FYB2: variants seen among roughly 807,000 people sequenced by gnomAD.
FYB2 encodes FYN-binding protein 2.
In FYB2, 103 loss-of-function variants were observed where a neutral mutation model predicts 94.1. The ratio of observed to expected loss-of-function variants is 1.09; its 90% CI spans 0.93 to 1.29. The LOEUF (loss-of-function observed/expected upper bound fraction) is 1.29, where lower values mean the gene tolerates loss of function less well. Among genes scored for constraint, FYB2 ranks in the 50% most tolerant of loss-of-function variants. The probability of loss-of-function intolerance (pLI) is 0.00; values close to 1 mark genes in which losing one functional copy is unlikely to be tolerated. For missense variants in FYB2, 896 were observed against 841.5 expected (o/e 1.06, Z -0.80); for synonymous variants, 293 against 287.9 (o/e 1.02, Z -0.18).
chr1:56,821,696 GC>G (rs1463710538), upstream of FYB2, among the ~76,000 whole-genome samples: 12 of 152,260 alleles, frequency 7.9e-5, no homozygotes, highest in African/African-American at 2.9e-4. Flanking sequence ...TTGTCAAAGT[GC>G]CCATGTAGCA....
chr1:56,822,063 A>G (rs1646996216), upstream of FYB2, among the ~76,000 whole-genome samples: 1 of 152,236 alleles, frequency 6.6e-6, no homozygotes, highest in Non-Finnish European at 1.5e-5. Flanking sequence ...AAAGCCAGGA[A>G]GGTTCACTTA....
chr1:56,812,017 AG>A (rs2101085785), intron 1 of FYB2, among the ~76,000 whole-genome samples: 1 of 152,236 alleles, frequency 6.6e-6, no homozygotes, highest in Admixed American at 6.5e-5. Context: ...TGGAGGGTAG[AG>A]GGCTCAGAAA....
intron 4 of FYB2, among the ~76,000 whole-genome samples, chr1:56,783,907 C>T (rs1646069003): frequency 1.3e-5 from 2 of 152,178 alleles, no homozygotes; most frequent in Admixed American, 6.5e-5. Flanking sequence ...TAGATTCTTG[C>T]CCTTGCTGGG....
upstream of FYB2, chr1:56,824,453 A>G (rs982867076): frequency 6.6e-6 from 1 of 152,156 alleles, no homozygotes; most frequent in African/African-American, 2.4e-5. Flanking sequence ...AACCATAGCA[A>G]TTGGTATGTG....
At chr1:56,739,622 G>C (rs1325844627) in intron 13 of FYB2, among the ~76,000 whole-genome samples, 2 of 152,040 alleles carry the variant, frequency 1.3e-5, no homozygotes, top group Non-Finnish European at 2.9e-5. Context: ...CCTTACAATG[G>C]TTTGACTCCC....
At chr1:56,758,033 C>T (rs191019223) in intron 6 of FYB2, among the ~76,000 whole-genome samples, 1 of 151,254 alleles carries the variant, frequency 6.6e-6, no homozygotes, top group Non-Finnish European at 1.5e-5. Context: ...TCTGCCTTGG[C>T]CTCCCAAAGT....
intron 1 of FYB2, among the ~76,000 whole-genome samples, chr1:56,802,786 G>A (rs1046764292): frequency 1.3e-5 from 2 of 151,978 alleles, no homozygotes; most frequent in Non-Finnish European, 2.9e-5. Context: ...ATATCACCTT[G>A]CACTTTCTTG....
chr1:56,790,309 C>A (rs1267505508), intron 2 of FYB2, among the ~76,000 whole-genome samples: 2 of 152,188 alleles, frequency 1.3e-5, no homozygotes, highest in African/African-American at 4.8e-5. Flanking sequence ...AACTCGGGCC[C>A]AAAGTTCCTC....
In FYB2 at chr1:56,751,089, G is replaced by A; in HGVS notation, c.1342C>T (p.Pro448Ser). ...EAMIDIIQTN[P>S]CPEGPKLARH... ...GCCAGCTTTGGGCCCTCAGGGCAGG[G>A]ATTTGTCTGGATGATGTCAATCATG... The change falls in exon 9 of 20, where the codon CCC (proline) becomes TCC (serine). Residue 448 changes from proline (P) to serine (S), a missense_variant. Transcript: ENST00000343433. 1 of 1,612,826 alleles carries A rather than the reference G, an allele frequency of 6.2e-7. No individual in the cohort carries two copies. Among genetic ancestry groups the A allele is most frequent in the Middle Eastern group, 1.7e-4 (1 of 6,048 alleles).
intron 4 of FYB2, among the ~76,000 whole-genome samples, chr1:56,775,382 G>A (rs114723402): frequency 1.6e-3 from 239 of 152,102 alleles, no homozygotes; most frequent in African/African-American, 4.9e-3. Context: ...AAAATATGCC[G>A]TCCACTCTGG....
At chr1:56,797,299 T>C (rs191097450) in intron 1 of FYB2, among the ~76,000 whole-genome samples, 2 of 152,328 alleles carry the variant, frequency 1.3e-5, no homozygotes, top group East Asian at 3.9e-4. Flanking sequence ...TCATCGGGCT[T>C]AATCTTCACA....
upstream of FYB2, chr1:56,819,578 C>A: frequency 3.6e-6 from 2 of 559,452 alleles, no homozygotes; most frequent in South Asian, 4.2e-5. Context: ...CTCTTCTCAG[C>A]AAGCGGCTCT....
intron 16 of FYB2, among the ~76,000 whole-genome samples, chr1:56,725,572 A>C (rs1357173633): frequency 6.6e-6 from 1 of 152,048 alleles, no homozygotes; most frequent in African/African-American, 2.4e-5. Flanking sequence ...ATCTCTTGGA[A>C]TTCTGTTTTG....
At chr1:56,735,695 G>T (rs949298444) in intron 15 of FYB2, among the ~76,000 whole-genome samples, 1 of 151,922 alleles carries the variant, frequency 6.6e-6, no homozygotes, top group South Asian at 2.1e-4. Context: ...TTTATAAGGG[G>T]TTCTTTCCCC....
chr1:56,727,572 T>A (rs188530317), intron 15 of FYB2, among the ~76,000 whole-genome samples: 1 of 152,270 alleles, frequency 6.6e-6, no homozygotes, highest in Admixed American at 6.5e-5. Flanking sequence ...CTATATACAG[T>A]GTCTCATTTT....
At chr1:56,757,229 G>A (rs1049912880) in intron 6 of FYB2, among the ~76,000 whole-genome samples, 1 of 152,102 alleles carries the variant, frequency 6.6e-6, no homozygotes, top group African/African-American at 2.4e-5. Flanking sequence ...ATTTGTTGAT[G>A]TTGCCAGGTA....
chr1:56,761,457 G>A (rs749185288), intron 5 of FYB2, among the ~76,000 whole-genome samples: 56 of 152,180 alleles, frequency 3.7e-4, no homozygotes, highest in Non-Finnish European at 7.1e-4. Context: ...TAAATGGAAT[G>A]TTATGCAGAA....
In FYB2 at chr1:56,720,040, A is replaced by G. The variant is rs1176441199; in HGVS notation, c.2147T>C (p.Ile716Thr). ...AGCTTACTTGAAATCTAGATGTTCA[A>G]TGAGCACATATCCATCTAATAGAAA... is the stretch of plus-strand genomic sequence containing the variant. Reference protein sequence around the residue: ...NSKGKYGYVLIEHLDFKHQSW... With the variant: ...NSKGKYGYVLTEHLDFKHQSW... Residue 716 changes from isoleucine to threonine, a missense_variant, in exon 19 of 20, where the codon ATT (isoleucine) becomes ACT (threonine). Coordinates refer to ENST00000343433, the MANE Select transcript of FYB2 (RefSeq NM_001004303.5). 1.2e-6 allele frequency: 2 copies of G among 1,602,592 alleles called. No homozygotes were observed. The highest frequency in any genetic ancestry group is 1.7e-6 in the Non-Finnish European group (2 of 1,175,280).
intron 1 of FYB2, among the ~76,000 whole-genome samples, chr1:56,797,823 C>A (rs1373050997): frequency 1.3e-5 from 2 of 152,160 alleles, no homozygotes; most frequent in African/African-American, 4.8e-5. Flanking sequence ...AACACACTGG[C>A]CGATACAGCC....
Sources: gnomAD v4.1 joint callset for allele counts (sites outside exome capture counted in the v4.1 genomes callset) on GRCh38, gnomAD v4.1.1 for gene constraint, MANE v1.5 for transcripts, NCBI Gene and HGNC (gene_info 2026-07-23, HGNC 2026-07-21) for gene names.